SH2D4A: variants seen among roughly 807,000 people sequenced by gnomAD.
SH2D4A encodes SH2 domain-containing protein 4A.
SH2D4A carries 70 observed loss-of-function variants against 64.7 expected under a neutral mutation model. The observed-to-expected ratio is 1.08, with a 90% confidence interval of 0.89 to 1.32. The LOEUF is 1.32. SH2D4A is among the 40% of genes most tolerant of loss of function. The pLI, the probability that SH2D4A is intolerant of heterozygous loss-of-function variation, is 0.00. For synonymous variants in SH2D4A, 268 were observed against 200.7 expected, an observed-to-expected ratio of 1.34 and a Z score of -2.83; for missense variants, 706 against 540.1, an observed-to-expected ratio of 1.31 and a Z score of -3.04.
intron 2 of SH2D4A, among the ~76,000 whole-genome samples, chr8:19,327,226 A>G (rs2052296310): frequency 1.3e-5 from 2 of 152,206 alleles, no homozygotes; most frequent in South Asian, 2.1e-4. Context: ...AAACATGAAG[A>G]GTCCTGCAGT....
At chr8:19,354,160 C>A (rs999563234) in intron 4 of SH2D4A, among the ~76,000 whole-genome samples, 1 of 151,922 alleles carries the variant, frequency 6.6e-6, no homozygotes, top group Non-Finnish European at 1.5e-5. Context: ...CACCACCATG[C>A]CAGCTAATTT....
intron 4 of SH2D4A, among the ~76,000 whole-genome samples, chr8:19,355,149 T>G (rs995694840): frequency 6.6e-6 from 1 of 152,008 alleles, no homozygotes; most frequent in African/African-American, 2.4e-5. Flanking sequence ...CTGCAATACT[T>G]GCGGGAGTAT....
At chr8:19,367,728 T>C (rs760789021) in intron 7 of SH2D4A, among the ~76,000 whole-genome samples, 15 of 152,160 alleles carry the variant, frequency 9.9e-5, no homozygotes, top group Non-Finnish European at 1.8e-4. Context: ...TAGCTTGATA[T>C]AATCCCATTT....
chr8:19,362,369 T>A (rs1210433503), intron 6 of SH2D4A, among the ~76,000 whole-genome samples: 3 of 152,172 alleles, frequency 2.0e-5, no homozygotes, highest in Non-Finnish European at 4.4e-5. Flanking sequence ...TGCATTTGAG[T>A]CTCATTGCTA....
chr8:19,375,535 GGA>G (rs1234682246), intron 8 of SH2D4A: 1 of 152,250 alleles, frequency 6.6e-6, no homozygotes, highest in African/African-American at 2.4e-5. Context: ...TGAGTGGGTA[GGA>G]GAGGACAAAG....
chr8:19,388,365 C>T (rs1249461190), intron 8 of SH2D4A, among the ~76,000 whole-genome samples: 1 of 152,190 alleles, frequency 6.6e-6, no homozygotes, highest in Non-Finnish European at 1.5e-5. Flanking sequence ...GCACATTGAA[C>T]AGTGTGGTAT....
At chr8:19,371,056 A>G (rs1368835529) in intron 7 of SH2D4A, among the ~76,000 whole-genome samples, 1 of 152,064 alleles carries the variant, frequency 6.6e-6, no homozygotes, top group African/African-American at 2.4e-5. Context: ...TTACATTTTT[A>G]TATTACCTAT....
chr8:19,358,944 C>T (rs2052836516), intron 5 of SH2D4A, among the ~76,000 whole-genome samples: 1 of 152,192 alleles, frequency 6.6e-6, no homozygotes, highest in African/African-American at 2.4e-5. Flanking sequence ...AGCCTCGGCC[C>T]CTCCGCCCCT....
intron 8 of SH2D4A, among the ~76,000 whole-genome samples, chr8:19,375,919 C>T (rs1225221963): frequency 2.0e-5 from 3 of 152,142 alleles, no homozygotes; most frequent in Non-Finnish European, 4.4e-5. Flanking sequence ...CTGTGATCCA[C>T]AATGCCTACT....
intron 4 of SH2D4A, among the ~76,000 whole-genome samples, chr8:19,342,594 G>C (rs1055640641): frequency 3.9e-5 from 6 of 152,202 alleles, no homozygotes; most frequent in African/African-American, 1.4e-4. Context: ...TGTGAAACAG[G>C]TATTTTTATT....
chr8:19,314,039 TGTCC>T (rs1271750711), intron 1 of SH2D4A: 33 of 1,135,368 alleles, frequency 2.9e-5, no homozygotes, highest in Non-Finnish European at 3.5e-5. Flanking sequence ...GGGTGTCCGG[TGTCC>T]GGTGTCCGGT....
At chr8:19,358,621 G>T (rs1178244762) in intron 5 of SH2D4A, among the ~76,000 whole-genome samples, 2 of 152,180 alleles carry the variant, frequency 1.3e-5, no homozygotes, top group East Asian at 3.9e-4. Flanking sequence ...TTGGCATGGT[G>T]GGGAAAGGGC....
Position 19,394,670 on chromosome 8 carries a change from C to T in SH2D4A, c.*28C>T, listed in dbSNP as rs767808179. On this transcript the variant is annotated 3_prime_UTR_variant, in exon 10 of 10. Coordinates refer to ENST00000265807, the MANE Select transcript of SH2D4A (RefSeq NM_022071.4). ...GCCTCCATCAGGGTCATCCTACAGC[C>T]TCCAAGCGGGCTTTCCCCTGGACAA... 4 of 1,560,000 alleles carry T rather than the reference C, an allele frequency of 2.6e-6. No homozygotes were observed. In the East Asian group the frequency reaches 6.9e-5, roughly 27 times the overall value.
At position 19,395,865 on chromosome 8, in the gene SH2D4A, C is replaced by T. The variant is rs923724864; in HGVS notation, c.*1223C>T. The T allele has an allele frequency of 6.6e-6, 1 of 152,176 alleles. No individual in the cohort carries two copies. Among genetic ancestry groups the T allele is most frequent in the Non-Finnish European group, 1.5e-5 (1 of 68,042 alleles). The allele number at this position is 152,176 out of a possible 1,614,324, so 9.4% of individuals were successfully genotyped here. A position where few individuals can be genotyped will look rare whatever the true frequency, so the allele number is the denominator to read the frequency against. On this transcript the variant is annotated 3_prime_UTR_variant, in exon 10 of 10. Transcript: ENST00000265807. ...TTACTATAGCCCCAGAAAGCTAATA[C>T]AGTCGTTTATGTAATTACATAACCT...
chr8:19,371,184 T>G (rs1018010602), intron 7 of SH2D4A, among the ~76,000 whole-genome samples: 3 of 152,202 alleles, frequency 2.0e-5, no homozygotes, highest in Non-Finnish European at 4.4e-5. Flanking sequence ...ATGATAGTAT[T>G]ATAACAAAAA....
At chr8:19,336,388 C>T (rs1032349523) in intron 4 of SH2D4A, among the ~76,000 whole-genome samples, 2 of 152,134 alleles carry the variant, frequency 1.3e-5, no homozygotes, top group Admixed American at 1.3e-4. Context: ...GGTTTTTCAT[C>T]TCAAGGTCAG....
chr8:19,380,238 G>A (rs2053269341), intron 8 of SH2D4A, among the ~76,000 whole-genome samples: 1 of 152,256 alleles, frequency 6.6e-6, no homozygotes, highest in Non-Finnish European at 1.5e-5. Context: ...GTTGAATTAT[G>A]AGAGTTTTCT....
chr8:19,334,403 A>G (rs572243580), intron 3 of SH2D4A, among the ~76,000 whole-genome samples: 3 of 152,326 alleles, frequency 2.0e-5, no homozygotes, highest in African/African-American at 7.2e-5. Flanking sequence ...TGAGCAGACC[A>G]GGGTTCAGAT....
chr8:19,373,582 C>A lies in SH2D4A; in HGVS notation c.970C>A (p.Arg324=). ...LSSSAQEDII[R]WFKEEQLPLR... ...CAGCTCTGCCCAAGAGGACATCATC[C>A]GGTGGTTTAAAGAGGAGCAGCTACC... The change falls in exon 8 of 10, where the codon CGG becomes AGG. Residue 324 remains arginine (R), a synonymous_variant. Coordinates refer to ENST00000265807, the MANE Select transcript of SH2D4A (RefSeq NM_022071.4). 1 of 1,613,122 alleles carries A rather than the reference C, an allele frequency of 6.2e-7. No individual in the cohort carries two copies. The highest frequency in any genetic ancestry group is 2.2e-5 in the East Asian group (1 of 44,838).
Sources: gnomAD v4.1 joint callset for allele counts (sites outside exome capture counted in the v4.1 genomes callset) on GRCh38, gnomAD v4.1.1 for gene constraint, MANE v1.5 for transcripts, NCBI Gene and HGNC (gene_info 2026-07-23, HGNC 2026-07-21) for gene names.